Variants in CDK6 observed in about 807,000 individuals in gnomAD.
CDK6 encodes the protein cyclin dependent kinase 6.
A neutral mutation model predicts 37.1 loss-of-function variants in CDK6; 6 were observed. That is an observed-to-expected ratio of 0.16 (90% CI 0.09 to 0.32). The LOEUF (loss-of-function observed/expected upper bound fraction) is 0.32, where lower values mean the gene tolerates loss of function less well. CDK6 is among the 10% of genes least tolerant of loss of function. The probability of loss-of-function intolerance (pLI) is 1.00; values close to 1 mark genes in which losing one functional copy is unlikely to be tolerated. For synonymous variants in CDK6, 160 were observed against 161.3 expected (o/e 0.99, Z 0.06); for missense variants, 224 against 418.9 (o/e 0.53, Z 4.06).
intron 5 of CDK6, among the ~76,000 whole-genome samples, chr7:92,654,924 C>T (rs914189497): frequency 1.3e-5 from 2 of 152,046 alleles, no homozygotes; most frequent in African/African-American, 4.8e-5. Context: ...TGGCTCACTG[C>T]AGCCTCAATC....
intron 7 of CDK6, 113 bp from the exon 8 acceptor site, chr7:92,615,399 A>T: frequency 1.3e-6 from 1 of 787,760 alleles, no homozygotes; most frequent in Non-Finnish European, 2.1e-6. Flanking sequence ...TACAGTGGGA[A>T]TGAGTATTTA....
chr7:92,680,534 A>T (rs533593047), intron 4 of CDK6, among the ~76,000 whole-genome samples: 50 of 151,124 alleles, frequency 3.3e-4, no homozygotes, highest in African/African-American at 1.2e-3. Flanking sequence ...GGCTAGAAGG[A>T]GATGTTTTGA....
At chr7:92,656,694 G>A (rs1232280714) in intron 5 of CDK6, among the ~76,000 whole-genome samples, 4 of 152,178 alleles carry the variant, frequency 2.6e-5, no homozygotes, top group African/African-American at 9.7e-5. Context: ...TGCAGGTGTG[G>A]TTCTTTTTAT....
chr7:92,618,744 A>G (rs1427810469), intron 6 of CDK6, among the ~76,000 whole-genome samples: 12 of 152,242 alleles, frequency 7.9e-5, no homozygotes, highest in Non-Finnish European at 1.8e-4. Context: ...TCAGAAGGAA[A>G]AATGAGGCTA....
At chr7:92,682,561 G>A (rs907845766) in intron 4 of CDK6, among the ~76,000 whole-genome samples, 1 of 152,170 alleles carries the variant, frequency 6.6e-6, no homozygotes. Context: ...AGCCCTTTGA[G>A]GGTAGAGAGT....
intron 2 of CDK6, among the ~76,000 whole-genome samples, chr7:92,796,256 A>G (rs143430145): frequency 6.6e-6 from 1 of 152,142 alleles, no homozygotes; most frequent in East Asian, 1.9e-4. Context: ...TTTAATCACT[A>G]CCTTCTTGGT....
chr7:92,733,421 T>A (rs904498333), intron 3 of CDK6, among the ~76,000 whole-genome samples: 2 of 152,192 alleles, frequency 1.3e-5, no homozygotes, highest in African/African-American at 2.4e-5. Context: ...TTCTTTAACC[T>A]CATCCCATTT....
chr7:92,648,001 G>A (rs73232024), intron 5 of CDK6, among the ~76,000 whole-genome samples: 31,104 of 152,206 alleles, frequency 0.2, 3,885 homozygotes, highest in Middle Eastern at 0.37. Flanking sequence ...CATGATAATA[G>A]CTTCTGCTGG....
chr7:92,748,246 C>G (rs965434542), intron 3 of CDK6, among the ~76,000 whole-genome samples: 2 of 152,054 alleles, frequency 1.3e-5, no homozygotes, highest in Non-Finnish European at 2.9e-5. Context: ...CAAGAAGGAG[C>G]AGGAAATGCA....
chr7:92,718,282 G>A (rs962723033), intron 4 of CDK6, among the ~76,000 whole-genome samples: 1 of 152,190 alleles, frequency 6.6e-6, no homozygotes, highest in Non-Finnish European at 1.5e-5. Flanking sequence ...GGTGTGTCCT[G>A]CACTTTCGCT....
At position 92,696,875 on chromosome 7, in the gene CDK6, C is replaced by T. The variant is rs144829872; in HGVS notation, c.538-25340G>A. On this transcript the variant is annotated intron_variant, in intron 4 of 7. Coordinates refer to ENST00000424848, the MANE Select transcript of CDK6 (RefSeq NM_001145306.2). ...TTCTGGAGAAGAAAATGAAAAGCAA[C>T]ATACACCAGAAAATTTAACCGATTC... Among the ~76,000 whole-genome samples the T allele has an allele frequency of 4.7e-3, 721 of 152,268 alleles. 4 individuals are homozygous for T. The highest frequency in any genetic ancestry group is 0.017 in the African/African-American group (691 of 41,558).
rs1406384754 is a variant in CDK6, at chr7:92,608,335, T to C, written c.*6805A>G. On this transcript the variant is annotated 3_prime_UTR_variant, in exon 8 of 8. Transcript: ENST00000424848. ...GAAAATCCCCTGCTACATGAGATAA[T>C]TTGTTTACATACCTTTAATTACCTA... The C allele has an allele frequency of 2.2e-5, 5 of 231,936 alleles. No individual in the cohort carries two copies. Among genetic ancestry groups the C allele is most frequent in the Non-Finnish European group, 4.3e-5 (5 of 117,384 alleles). 14.4% of individuals were successfully genotyped at this position (231,936 alleles called of 1,614,324 possible).
At chr7:92,635,173 TG>T (rs1364086766) in intron 5 of CDK6, among the ~76,000 whole-genome samples, 1 of 152,142 alleles carries the variant, frequency 6.6e-6, no homozygotes, top group Non-Finnish European at 1.5e-5. Flanking sequence ...TACTTCCTCT[TG>T]GGAAAAAAAG....
intron 2 of CDK6, among the ~76,000 whole-genome samples, chr7:92,789,290 T>C (rs1800223160): frequency 6.6e-6 from 1 of 152,160 alleles, no homozygotes; most frequent in African/African-American, 2.4e-5. Flanking sequence ...CAGGAAATGC[T>C]AAAGGGAGTC....
chr7:92,770,758 A>G (rs997017417), intron 3 of CDK6, among the ~76,000 whole-genome samples: 2 of 152,090 alleles, frequency 1.3e-5, no homozygotes, highest in Admixed American at 6.6e-5. Context: ...GTACTGCCCA[A>G]CTAATGCAAT....
chr7:92,672,700 T>C (rs1374725459), intron 4 of CDK6, among the ~76,000 whole-genome samples: 1 of 152,188 alleles, frequency 6.6e-6, no homozygotes, highest in Non-Finnish European at 1.5e-5. Flanking sequence ...ATTCAGAATA[T>C]AAATCTATTA....
intron 4 of CDK6, chr7:92,724,942 G>A (rs996974154): frequency 7.0e-6 from 6 of 859,554 alleles, no homozygotes; most frequent in African/African-American, 1.8e-5. Context: ...AAATCCATCT[G>A]AGAAATAATG....
At chr7:92,741,192 TC>T (rs1487807932) in intron 3 of CDK6, among the ~76,000 whole-genome samples, 1 of 152,116 alleles carries the variant, frequency 6.6e-6, no homozygotes, top group Non-Finnish European at 1.5e-5. Context: ...ACTAGATAAA[TC>T]GACAGAGAAA....
intron 3 of CDK6, among the ~76,000 whole-genome samples, chr7:92,746,565 T>G (rs532304711): frequency 6.6e-6 from 1 of 152,214 alleles, no homozygotes; most frequent in Non-Finnish European, 1.5e-5. Flanking sequence ...ACTTGGGACC[T>G]ATCCCAAAGA....
Sources: allele counts gnomAD v4.1 joint callset (sites outside exome capture counted in the v4.1 genomes callset), GRCh38; gene constraint gnomAD v4.1.1; transcripts MANE v1.5; gene names NCBI Gene and HGNC (gene_info 2026-07-23, HGNC 2026-07-21).